Variants in ROBO2 observed in about 807,000 individuals in gnomAD.
ROBO2 encodes the protein roundabout guidance receptor 2.
Under a neutral mutation model 160.8 loss-of-function variants are expected in ROBO2, and 53 were observed. The observed-to-expected ratio is 0.33, with a 90% CI of 0.26 to 0.41. The LOEUF is 0.41. Among genes scored for constraint, ROBO2 ranks in the 10% least tolerant of loss-of-function variants. ROBO2 has a pLI of 1.00. For synonymous variants in ROBO2, 664 were observed against 611.7 expected (o/e 1.09, Z -1.26); for missense variants, 1,577 against 1,722.4 (o/e 0.92, Z 1.49).
intron 2 of ROBO2, among the ~76,000 whole-genome samples, chr3:77,429,451 C>T (rs938883237): frequency 6.6e-6 from 1 of 152,002 alleles, no homozygotes; most frequent in Non-Finnish European, 1.5e-5. Flanking sequence ...GAAATTCTTC[C>T]TTTATGCAAT....
At position 76,556,255 on chromosome 3, in the gene ROBO2, C is replaced by T. The variant is rs557897705; in HGVS notation, c.110-541759C>T. On this transcript the variant is annotated intron_variant, in intron 2 of 26. Coordinates refer to the ROBO2 transcript ENST00000487694. ...GTATATATGTATTAATGAAGAAATCCGGTCTTCCATATGTTTTCCACCTTA... is the reference window on the plus strand; with the variant it reads ...GTATATATGTATTAATGAAGAAATCTGGTCTTCCATATGTTTTCCACCTTA... Among the ~76,000 whole-genome samples, 384 of 152,152 alleles carry T rather than the reference C, an allele frequency of 2.5e-3. 3 individuals are homozygous for T. The highest frequency in any genetic ancestry group is 8.6e-3 in the African/African-American group (358 of 41,522).
chr3:77,527,364 CTTTT>C, intron 6 of ROBO2, 35 bp from the exon 7 acceptor site: 1 of 1,279,802 alleles, frequency 7.8e-7, no homozygotes, highest in Non-Finnish European at 1.0e-6. Context: ...TTTTTAATTT[CTTTT>C]TTATGTTCTC....
intron 2 of ROBO2, among the ~76,000 whole-genome samples, chr3:77,444,046 T>G (rs549511116): frequency 6.6e-6 from 1 of 152,326 alleles, no homozygotes; most frequent in Admixed American, 6.5e-5. Context: ...CCTCCCCATT[T>G]GTTTCTTATT....
At chr3:77,554,119 T>C (rs1597090) in intron 8 of ROBO2, among the ~76,000 whole-genome samples, 84,905 of 151,686 alleles carry the variant, frequency 0.56, 23,833 homozygotes, top group Middle Eastern at 0.68. Flanking sequence ...TTTCAAAAAT[T>C]CTATGACCCT....
chr3:77,501,588 C>T (rs2087617628), intron 5 of ROBO2, among the ~76,000 whole-genome samples: 1 of 152,160 alleles, frequency 6.6e-6, no homozygotes, highest in Non-Finnish European at 1.5e-5. Flanking sequence ...CCAGAGTCCA[C>T]ATCTGCAAAC....
At chr3:76,335,855 T>C (rs577543015) in intron 2 of ROBO2, among the ~76,000 whole-genome samples, 1 of 152,282 alleles carries the variant, frequency 6.6e-6, no homozygotes, top group South Asian at 2.1e-4. Flanking sequence ...GGATTACAGG[T>C]GTGAGCCACC....
chr3:77,121,125 A>G (rs1305158840), intron 2 of ROBO2, among the ~76,000 whole-genome samples: 1 of 151,910 alleles, frequency 6.6e-6, no homozygotes, highest in African/African-American at 2.4e-5. Context: ...TTGTATTTTT[A>G]GTAGAGACGG....
chr3:76,283,438 C>T (rs1481944199), intron 2 of ROBO2, among the ~76,000 whole-genome samples: 1 of 151,654 alleles, frequency 6.6e-6, no homozygotes, highest in Non-Finnish European at 1.5e-5. Context: ...ATTTCTTAGG[C>T]CCTGGCAGCC....
intron 2 of ROBO2, among the ~76,000 whole-genome samples, chr3:77,398,684 T>A (rs991781306): frequency 2.0e-5 from 3 of 151,998 alleles, no homozygotes; most frequent in Non-Finnish European, 4.4e-5. Flanking sequence ...TGGGCTCAAG[T>A]GATCCTTCCA....
intron 2 of ROBO2, among the ~76,000 whole-genome samples, chr3:76,031,029 C>T (rs886107421): frequency 3.9e-5 from 6 of 152,022 alleles, no homozygotes; most frequent in Non-Finnish European, 8.8e-5. Flanking sequence ...TGTTTGTGTC[C>T]TCTTTTATTT....
rs1275337927 is a variant in ROBO2, at chr3:76,569,479, C to T, written c.110-528535C>T. Among the ~76,000 whole-genome samples the T allele has an allele frequency of 3.1e-4, 47 of 152,060 alleles. 1 individual carries two copies. The highest frequency in any genetic ancestry group is 3.1e-3 in the Admixed American group (47 of 15,264). The stretch of plus-strand genomic sequence containing the variant: ...CACATAGAGAATTGTATGGGAAAAA[C>T]ATCAGATTTCAGAGACTTTAGGATT... On this transcript the variant is annotated intron_variant, in intron 2 of 26. Transcript: ENST00000487694.
chr3:76,923,903 G>A (rs774816783), intron 2 of ROBO2, among the ~76,000 whole-genome samples: 2 of 152,236 alleles, frequency 1.3e-5, no homozygotes, highest in Non-Finnish European at 2.9e-5. Flanking sequence ...TTACCGGGAA[G>A]TGGTCCATTT....
chr3:76,254,333 T>G (rs1024420828), intron 2 of ROBO2, among the ~76,000 whole-genome samples: 1 of 152,138 alleles, frequency 6.6e-6, no homozygotes, highest in African/African-American at 2.4e-5. Context: ...CACTAAATAA[T>G]GTCTTAAGTG....
chr3:76,434,866 A>G, intron 2 of ROBO2: 1 of 1,584,694 alleles, frequency 6.3e-7, no homozygotes, highest in South Asian at 1.1e-5. Context: ...CTGAAGGCTC[A>G]GAGTGGTCCA....
chr3:76,757,149 T>A (rs561345976), intron 2 of ROBO2, among the ~76,000 whole-genome samples: 11 of 151,858 alleles, frequency 7.2e-5, no homozygotes, highest in Non-Finnish European at 7.4e-5. Context: ...TGAATAATTA[T>A]CTCCATTTTG....
At chr3:77,527,216 G>T (rs1187601740) in intron 6 of ROBO2, among the ~76,000 whole-genome samples, 187 bp from the exon 7 acceptor site, 1 of 151,346 alleles carries the variant, frequency 6.6e-6, no homozygotes, top group Admixed American at 6.6e-5. Context: ...TATTTTCCTA[G>T]AATTATATTT....
At chr3:76,651,287 AGGT>A (rs1197886388) in intron 2 of ROBO2, among the ~76,000 whole-genome samples, 1 of 152,082 alleles carries the variant, frequency 6.6e-6, no homozygotes, top group African/African-American at 2.4e-5. Context: ...AAGCGTCCGA[AGGT>A]GGTGATCCAC....
chr3:76,210,334 T>C (rs1703064696), intron 2 of ROBO2, among the ~76,000 whole-genome samples: 1 of 152,070 alleles, frequency 6.6e-6, no homozygotes, highest in Non-Finnish European at 1.5e-5. Context: ...GAAGGAAAGC[T>C]AAAAAATCAG....
chr3:77,635,358 G>A (rs545856722), intron 24 of ROBO2, among the ~76,000 whole-genome samples: 33 of 151,820 alleles, frequency 2.2e-4, no homozygotes, highest in Middle Eastern at 6.8e-3. Context: ...TAAGCTGCAT[G>A]TGCACTTATA....
Sources: gnomAD v4.1 joint callset for allele counts (sites outside exome capture counted in the v4.1 genomes callset) on GRCh38, gnomAD v4.1.1 for gene constraint, MANE v1.5 for transcripts, NCBI Gene and HGNC (gene_info 2026-07-23, HGNC 2026-07-21) for gene names.